TTLL11: variants seen among roughly 807,000 people sequenced by gnomAD.
TTLL11 encodes tubulin tyrosine ligase like 11, also known as tubulin polyglutamylase TTLL11.
In TTLL11, 42 loss-of-function variants were observed where a neutral mutation model predicts 51.7. That is an observed-to-expected ratio of 0.81 (90% confidence interval 0.64 to 1.05). The LOEUF (loss-of-function observed/expected upper bound fraction) is 1.05, where lower values mean the gene tolerates loss of function less well. Among genes scored for constraint, TTLL11 ranks in the 50% least tolerant of loss-of-function variants. TTLL11 has a pLI of 0.00. For missense variants in TTLL11, 799 were observed against 940.4 expected (o/e 0.85, Z 1.97); for synonymous variants, 381 against 383.5 (o/e 0.99, Z 0.08).
At chr9:122,022,165 C>T (rs10985492) in intron 3 of TTLL11, among the ~76,000 whole-genome samples, 6,695 of 151,344 alleles carry the variant, frequency 0.044, 175 homozygotes, top group African/African-American at 0.074. Flanking sequence ...CTAATATGTA[C>T]GTAATTAGAG....
At chr9:122,090,224 C>G (rs909269105) in intron 1 of TTLL11, among the ~76,000 whole-genome samples, 2 of 152,044 alleles carry the variant, frequency 1.3e-5, no homozygotes, top group African/African-American at 4.8e-5. Flanking sequence ...GCTCTGTCCA[C>G]CCCTACTTTA....
Position 122,093,038 on chromosome 9 carries a change from C to T in TTLL11, c.111G>A (p.Val37=). Residue 37 remains valine, a synonymous_variant, in exon 1 of 9, where the codon GTG becomes GTA. Coordinates refer to ENST00000321582, the MANE Select transcript of TTLL11 (RefSeq NM_001139442.2). ...CCGCGTCCACGCGGACCTGTTCCGCCACCGTCTCCGCTGTGGCCTCGGCCT... is the reference window on the plus strand; with the variant it reads ...CCGCGTCCACGCGGACCTGTTCCGCTACCGTCTCCGCTGTGGCCTCGGCCT... The part of the protein sequence containing the change: ...KAEAEATAET[V]AEQVRVDAGA... 1 of 1,523,396 alleles carries T rather than the reference C, an allele frequency of 6.6e-7. No homozygotes were observed. The highest frequency in any genetic ancestry group is 8.7e-7 in the Non-Finnish European group (1 of 1,143,164). The allele number at this position is 1,523,396 out of a possible 1,614,324, so 94.4% of individuals were successfully genotyped here.
intron 8 of TTLL11, among the ~76,000 whole-genome samples, chr9:121,847,373 G>A (rs1837548815): frequency 6.6e-6 from 1 of 151,270 alleles, no homozygotes; most frequent in African/African-American, 2.4e-5. Flanking sequence ...ACAAACAAAA[G>A]CAAACAAAAA....
In TTLL11 at chr9:121,841,233, G is replaced by A. The variant is rs966793676; in HGVS notation, c.1841-18354C>T. Among the ~76,000 whole-genome samples, 10 of 152,274 alleles carry A rather than the reference G, an allele frequency of 6.6e-5. No individual in the cohort carries two copies. The East Asian group carries it at 1.4e-3, about 21-fold the overall frequency. Reference sequence around the variant, plus strand: ...AGGACGTGTGGGCGAAGAGTGTGGCGGGAATGGGGGCTGTGGTTGTGGAGG... The same window carrying A: ...AGGACGTGTGGGCGAAGAGTGTGGCAGGAATGGGGGCTGTGGTTGTGGAGG... On this transcript the variant is annotated intron_variant, in intron 8 of 8. Transcript: ENST00000321582.
At chr9:122,090,428 C>T (rs1357447735) in intron 1 of TTLL11, among the ~76,000 whole-genome samples, 1 of 152,146 alleles carries the variant, frequency 6.6e-6, no homozygotes, top group African/African-American at 2.4e-5. Context: ...CGCTATGATC[C>T]GGCCATACTC....
intron 6 of TTLL11, among the ~76,000 whole-genome samples, chr9:121,915,922 C>A (rs769513929): frequency 5.3e-5 from 8 of 151,356 alleles, no homozygotes; most frequent in Non-Finnish European, 1.2e-4. Context: ...TATTTCTTGA[C>A]CCAGCAATTT....
At chr9:121,993,112 T>G (rs1174606539) in intron 3 of TTLL11, among the ~76,000 whole-genome samples, 2 of 152,162 alleles carry the variant, frequency 1.3e-5, no homozygotes, top group African/African-American at 4.8e-5. Flanking sequence ...CAATGGTGTT[T>G]TCCAGGGCTG....
intron 3 of TTLL11, among the ~76,000 whole-genome samples, chr9:121,997,855 G>C (rs770782096): frequency 2.6e-5 from 4 of 152,030 alleles, no homozygotes; most frequent in Non-Finnish European, 4.4e-5. Flanking sequence ...CGTCTCCTGA[G>C]ACTCGGCTGT....
intron 2 of TTLL11, among the ~76,000 whole-genome samples, chr9:122,037,991 G>T (rs1844749419): frequency 6.6e-6 from 1 of 152,194 alleles, no homozygotes; most frequent in Non-Finnish European, 1.5e-5. Context: ...CAAGGAAACA[G>T]TAAATTGATT....
At chr9:122,092,275 T>C (rs999597592) in intron 1 of TTLL11, among the ~76,000 whole-genome samples, 3 of 152,128 alleles carry the variant, frequency 2.0e-5, no homozygotes, top group African/African-American at 7.2e-5. Flanking sequence ...TAAAAAGTGT[T>C]CCTCTGCCCA....
chr9:121,869,154 C>T (rs898935520), intron 7 of TTLL11, among the ~76,000 whole-genome samples: 10 of 151,800 alleles, frequency 6.6e-5, no homozygotes, highest in African/African-American at 2.2e-4. Context: ...CTGAAACTAA[C>T]GCAAAGCCCT....
At chr9:121,833,509 T>G (rs891082147) in intron 8 of TTLL11, among the ~76,000 whole-genome samples, 1 of 152,212 alleles carries the variant, frequency 6.6e-6, no homozygotes, top group Non-Finnish European at 1.5e-5. Flanking sequence ...TGCATAGCAC[T>G]TTCCAGTTTA....
intron 8 of TTLL11, among the ~76,000 whole-genome samples, chr9:121,837,238 A>G (rs1370576452): frequency 6.6e-6 from 1 of 152,158 alleles, no homozygotes; most frequent in Non-Finnish European, 1.5e-5. Flanking sequence ...TAATGGTGCA[A>G]TGAACATCTT....
chr9:121,895,404 CTGTG>C (rs764598174), intron 6 of TTLL11, among the ~76,000 whole-genome samples: 1 of 150,768 alleles, frequency 6.6e-6, no homozygotes, highest in East Asian at 2.0e-4. Context: ...GTTTGTGTGA[CTGTG>C]TGTGCATGAG....
intron 6 of TTLL11, among the ~76,000 whole-genome samples, chr9:121,875,056 G>A (rs1419500194): frequency 6.6e-6 from 1 of 152,116 alleles, no homozygotes; most frequent in East Asian, 1.9e-4. Flanking sequence ...TTTTATCATA[G>A]TATAATAATG....
intron 6 of TTLL11, among the ~76,000 whole-genome samples, chr9:121,888,271 G>A (rs968067776): frequency 1.6e-4 from 25 of 152,222 alleles, no homozygotes; most frequent in African/African-American, 6.0e-4. Flanking sequence ...ACTGGGCAAA[G>A]GAGTCAACAC....
At chr9:121,907,168 T>A (rs1205466389) in intron 6 of TTLL11, among the ~76,000 whole-genome samples, 1 of 152,146 alleles carries the variant, frequency 6.6e-6, no homozygotes, top group Non-Finnish European at 1.5e-5. Context: ...ATTGAGTACC[T>A]ACATTCCAGG....
At chr9:122,063,814 T>C (rs1467753619) in intron 1 of TTLL11, among the ~76,000 whole-genome samples, 2 of 152,344 alleles carry the variant, frequency 1.3e-5, no homozygotes, top group Non-Finnish European at 2.9e-5. Flanking sequence ...CCCTCAGTCC[T>C]GGGCAAACCA....
chr9:121,849,206 T>C (rs1423157346), intron 8 of TTLL11, among the ~76,000 whole-genome samples: 1 of 152,120 alleles, frequency 6.6e-6, no homozygotes, highest in Non-Finnish European at 1.5e-5. Flanking sequence ...GCAAAACAAA[T>C]AAATAAGAGA....
Sources: gnomAD v4.1 joint callset for allele counts (sites outside exome capture counted in the v4.1 genomes callset) on GRCh38, gnomAD v4.1.1 for gene constraint, MANE v1.5 for transcripts, NCBI Gene and HGNC (gene_info 2026-07-23, HGNC 2026-07-21) for gene names.